The following GAS2 variants were observed in gnomAD, a reference collection of about 807,000 sequenced individuals.
The protein encoded by GAS2 is growth arrest-specific protein 2.
A neutral mutation model predicts 37.5 loss-of-function variants in GAS2; 20 were observed. That is an observed-to-expected ratio of 0.53 (90% CI 0.37 to 0.77). The LOEUF (loss-of-function observed/expected upper bound fraction) is 0.77, where lower values mean the gene tolerates loss of function less well. Ranked by LOEUF, GAS2 falls within the 30% of genes least tolerant of loss-of-function variation. GAS2 has a pLI of 0.00. For missense variants in GAS2, 336 were observed against 373.4 expected (o/e 0.90, Z 0.82); for synonymous variants, 144 against 132.2 (o/e 1.09, Z -0.61).
At chr11:22,784,155 C>T (rs947063413) in intron 7 of GAS2, among the ~76,000 whole-genome samples, 3 of 152,032 alleles carry the variant, frequency 2.0e-5, no homozygotes, top group Admixed American at 6.6e-5. Context: ...TGAATTTCAG[C>T]TTTTTCTATG....
chr11:22,715,112 T>C (rs1257920645), intron 3 of GAS2, among the ~76,000 whole-genome samples: 1 of 152,176 alleles, frequency 6.6e-6, no homozygotes. Context: ...ATTGATAGAC[T>C]GTTAATGAGA....
chr11:22,656,984 A>G (rs1590579491), intron 1 of GAS2, among the ~76,000 whole-genome samples: 1 of 152,202 alleles, frequency 6.6e-6, no homozygotes, highest in Admixed American at 6.5e-5. Context: ...CTATATTTCC[A>G]TAGAGAGAAG....
chr11:22,640,182 G>T (rs980490396), intron 1 of GAS2, among the ~76,000 whole-genome samples: 2 of 152,128 alleles, frequency 1.3e-5, no homozygotes, highest in Admixed American at 1.3e-4. Context: ...CCACAAATCT[G>T]TTTTCACAAA....
At chr11:22,764,942 C>T (rs1854609060) in intron 7 of GAS2, among the ~76,000 whole-genome samples, 2 of 152,182 alleles carry the variant, frequency 1.3e-5, no homozygotes. Context: ...ACACATGCTA[C>T]CTTACTTCAG....
chr11:22,795,189 A>G lies in GAS2; in HGVS notation c.724-16609A>G, dbSNP rs535591235. Among the ~76,000 whole-genome samples, 16 of 152,254 alleles carry G rather than the reference A, an allele frequency of 1.1e-4. No individual in the cohort carries two copies. In the East Asian group the frequency reaches 3.1e-3, roughly 29 times the overall value. The stretch of plus-strand genomic sequence containing the variant: ...ACTTTTCAGTAGGAATATTTTCTAA[A>G]TATTGTAAAGGATATACTTATACTA... On this transcript the variant is annotated intron_variant, in intron 7 of 7. Transcript: ENST00000454584.
At chr11:22,760,618 T>C (rs1027490472) in intron 7 of GAS2, among the ~76,000 whole-genome samples, 1 of 152,204 alleles carries the variant, frequency 6.6e-6, no homozygotes, top group Admixed American at 6.5e-5. Flanking sequence ...AGGAAATGCT[T>C]AAGACGTCAT....
chr11:22,759,320 C>A (rs1158072374), intron 7 of GAS2, among the ~76,000 whole-genome samples: 4 of 152,138 alleles, frequency 2.6e-5, no homozygotes, highest in African/African-American at 4.8e-5. Flanking sequence ...ATAGAGGCAT[C>A]TATGTACTTT....
At position 22,656,355 on chromosome 11, in the gene GAS2, C is replaced by T. The variant is rs571419232; in HGVS notation, c.-20-18495C>T. Among the ~76,000 whole-genome samples, 12 of 152,180 alleles carry T rather than the reference C, an allele frequency of 7.9e-5. No individual in the cohort carries two copies. The South Asian group carries it at 2.5e-3, about 32-fold the overall frequency. ...ATCAACACATGACAGACACCAACAC[C>T]AATTAGAGAGATCTGCCTAAGGCAC... On this transcript the variant is annotated intron_variant, in intron 1 of 5. Transcript: ENST00000528582.
intron 7 of GAS2, among the ~76,000 whole-genome samples, chr11:22,779,038 G>GTT (rs1371358086): frequency 6.5e-5 from 9 of 139,466 alleles, no homozygotes; most frequent in African/African-American, 2.2e-4. Context: ...ATCCCATTAA[G>GTT]TTTTTTGTTT....
At chr11:22,679,250 A>T (rs1590618560) in intron 2 of GAS2, among the ~76,000 whole-genome samples, 2 of 152,128 alleles carry the variant, frequency 1.3e-5, no homozygotes. Context: ...AGTCATGAAG[A>T]TCTTATCGTC....
intron 1 of GAS2, chr11:22,626,477 ACT>A (rs1427704744): frequency 6.5e-6 from 1 of 153,876 alleles, no homozygotes; most frequent in Non-Finnish European, 1.4e-5. Context: ...AGCTTAATTG[ACT>A]CTTCTGTCAT....
chr11:22,750,027 T>C (rs1164169785), intron 6 of GAS2, among the ~76,000 whole-genome samples: 1 of 152,086 alleles, frequency 6.6e-6, no homozygotes, highest in African/African-American at 2.4e-5. Context: ...ATAAAAAAAA[T>C]TAATAAAGGA....
chr11:22,732,572 T>A lies in GAS2; in HGVS notation c.410-5133T>A, dbSNP rs146745930. Among the ~76,000 whole-genome samples the A allele has an allele frequency of 3.5e-4, 53 of 151,846 alleles. No homozygotes were observed. The East Asian group carries it at 7.4e-3, about 21-fold the overall frequency. On this transcript the variant is annotated intron_variant, in intron 4 of 7. Transcript: ENST00000454584. ...ATAGCCCCTAAATTGCTATCCCTATTTATCACCTACATTTAACCTCACAGA... is the reference window on the plus strand; with the variant it reads ...ATAGCCCCTAAATTGCTATCCCTATATATCACCTACATTTAACCTCACAGA...
intron 1 of GAS2, among the ~76,000 whole-genome samples, chr11:22,669,305 T>G (rs1208421418): frequency 6.6e-6 from 1 of 152,122 alleles, no homozygotes; most frequent in African/African-American, 2.4e-5. Flanking sequence ...TTTTCTATTT[T>G]AATTATGTTC....
At chr11:22,739,864 G>T (rs944117419) in intron 5 of GAS2, among the ~76,000 whole-genome samples, 2 of 151,990 alleles carry the variant, frequency 1.3e-5, no homozygotes, top group African/African-American at 2.4e-5. Flanking sequence ...CAGAAGTAAA[G>T]AGACGGGGTT....
chr11:22,642,739 T>G (rs1848644348), intron 1 of GAS2, among the ~76,000 whole-genome samples: 1 of 152,160 alleles, frequency 6.6e-6, no homozygotes, highest in Non-Finnish European at 1.5e-5. Flanking sequence ...AAGAACAAGA[T>G]AGTTCTATCC....
chr11:22,791,965 C>T (rs1193704531), intron 7 of GAS2, among the ~76,000 whole-genome samples: 4 of 152,132 alleles, frequency 2.6e-5, no homozygotes, highest in Admixed American at 2.6e-4. Flanking sequence ...ATACAAAAGG[C>T]ACAGGAAGGT....
intron 3 of GAS2, among the ~76,000 whole-genome samples, chr11:22,725,955 G>C (rs1852187240): frequency 6.6e-6 from 1 of 151,844 alleles, no homozygotes; most frequent in South Asian, 2.1e-4. Flanking sequence ...ACATTTATAA[G>C]TACTTTGTGA....
intron 1 of GAS2, among the ~76,000 whole-genome samples, chr11:22,637,130 T>G (rs1288730384): frequency 8.3e-6 from 1 of 120,598 alleles, no homozygotes; most frequent in Non-Finnish European, 1.7e-5. Context: ...ATTACTTATA[T>G]TAATATTATA....
Sources: allele counts gnomAD v4.1 joint callset (sites outside exome capture counted in the v4.1 genomes callset), GRCh38; gene constraint gnomAD v4.1.1; transcripts MANE v1.5; gene names NCBI Gene and HGNC (gene_info 2026-07-23, HGNC 2026-07-21).